Variants in RXFP1 observed in about 807,000 individuals in gnomAD.
The protein encoded by RXFP1 is relaxin receptor 1.
RXFP1 carries 73 observed loss-of-function variants against 89.8 expected under a neutral mutation model. The observed-to-expected ratio is 0.81, with a 90% confidence interval of 0.67 to 0.99. The LOEUF (loss-of-function observed/expected upper bound fraction) is 0.99. RXFP1 is among the 50% of genes least tolerant of loss of function. RXFP1 has a pLI of 0.00. For synonymous variants in RXFP1, 277 were observed against 305.5 expected (o/e 0.91, Z 0.97); for missense variants, 793 against 895.5 (o/e 0.89, Z 1.46).
Position 158,542,109 on chromosome 4 carries a change from A to ATATATATATATATATT in RXFP1, c.49+20085_49+20086insATATATATATATATTT. On this transcript the variant is annotated intron_variant, in intron 1 of 17. Coordinates refer to ENST00000307765, the MANE Select transcript of RXFP1 (RefSeq NM_021634.4). ...TATATATATATATATATATATATAT[A>ATATATATATATATATT]TTTTTTTTTTAGTAGAGACAGGGTT... 3.1e-4 allele frequency among the ~76,000 whole-genome samples: 11 copies of ATATATATATATATATT among 35,230 alleles called. 1 individual carries two copies. The highest frequency in any genetic ancestry group is 7.4e-4 in the African/African-American group (8 of 10,778). The allele number at this position is 35,230 out of a possible 152,430, so 23.1% of individuals were successfully genotyped here. A position where few individuals can be genotyped will look rare whatever the true frequency, so the allele number is the denominator to read the frequency against.
intron 1 of RXFP1, among the ~76,000 whole-genome samples, chr4:158,570,735 C>G (rs1176933491): frequency 6.6e-6 from 1 of 152,160 alleles, no homozygotes; most frequent in Non-Finnish European, 1.5e-5. Flanking sequence ...CAAAACATAC[C>G]TGTTTCCTAA....
chr4:158,581,317 A>G (rs1353453039), intron 2 of RXFP1, among the ~76,000 whole-genome samples: 1 of 152,218 alleles, frequency 6.6e-6, no homozygotes, highest in Non-Finnish European at 1.5e-5. Context: ...AAGTACAGAG[A>G]GGTTACATAA....
intron 8 of RXFP1, among the ~76,000 whole-genome samples, chr4:158,614,179 A>G (rs1216992486): frequency 6.6e-6 from 1 of 152,202 alleles, no homozygotes; most frequent in Non-Finnish European, 1.5e-5. Flanking sequence ...GCACAGGCAG[A>G]GTAGATTTAG....
chr4:158,623,849 T>C (rs748807051), intron 9 of RXFP1, among the ~76,000 whole-genome samples: 2 of 152,182 alleles, frequency 1.3e-5, no homozygotes, highest in Non-Finnish European at 2.9e-5. Flanking sequence ...AAACTGAATA[T>C]GATGGCTTGA....
Sources: allele counts gnomAD v4.1 joint callset (sites outside exome capture counted in the v4.1 genomes callset), GRCh38; gene constraint gnomAD v4.1.1; transcripts MANE v1.5; gene names NCBI Gene and HGNC (gene_info 2026-07-23, HGNC 2026-07-21).